The following CCDC181 variants were observed in gnomAD, a reference collection of about 807,000 sequenced individuals.
CCDC181 encodes coiled-coil domain containing 181, also known as coiled-coil domain-containing protein 181.
In CCDC181, 35 loss-of-function variants were observed where a neutral mutation model predicts 58.7. That is an observed-to-expected ratio of 0.60 (90% CI 0.46 to 0.79). The LOEUF (loss-of-function observed/expected upper bound fraction) is 0.79. CCDC181 is among the 30% of genes least tolerant of loss of function. CCDC181 has a pLI of 0.00. For missense variants in CCDC181, 517 were observed against 583.9 expected (o/e 0.89, Z 1.18); for synonymous variants, 183 against 197.5 (o/e 0.93, Z 0.62).
At chr1:169,441,179 A>T (rs951853666) in intron 2 of CCDC181, among the ~76,000 whole-genome samples, 5 of 152,154 alleles carry the variant, frequency 3.3e-5, no homozygotes, top group African/African-American at 9.7e-5. Context: ...ATATATATTT[A>T]AGTCTTTAAT....
intron 2 of CCDC181, among the ~76,000 whole-genome samples, chr1:169,446,316 C>T (rs975669429): frequency 1.6e-4 from 24 of 152,080 alleles, no homozygotes; most frequent in East Asian, 5.8e-4. Context: ...TGGTGGTGCA[C>T]GCCTGTAGTC....
intron 2 of CCDC181, among the ~76,000 whole-genome samples, chr1:169,448,753 CT>C (rs375026025): frequency 2.8e-4 from 43 of 152,250 alleles, no homozygotes; most frequent in African/African-American, 9.9e-4. Flanking sequence ...AATGTTTCTT[CT>C]GTCCCATTCA....
rs1656507340 is a variant in CCDC181 at position 169,422,180 on chromosome 1, A to G, written c.251T>C (p.Ile84Thr). The G allele has an allele frequency of 6.2e-7, 1 of 1,613,774 alleles. No homozygotes were observed. Among genetic ancestry groups the G allele is most frequent in the Non-Finnish European group, 8.5e-7 (1 of 1,179,914 alleles). The part of the protein sequence containing the change: ...DEVSPRRNDI[I>T]SVPGIQPLDP... ...CAAAGGTTGAATACCTGGTACAGAAATGATGTCATTTCTTCTTGGTGAGAC... is the reference window on the plus strand; with the variant it reads ...CAAAGGTTGAATACCTGGTACAGAAGTGATGTCATTTCTTCTTGGTGAGAC... The change falls in exon 3 of 6, where the codon ATT becomes ACT. Residue 84 changes from isoleucine (I) to threonine (T), a missense_variant. Ile to Thr is a moderately conservative substitution (Grantham distance 89, BLOSUM62 -1). Coordinates refer to ENST00000367806, the MANE Select transcript of CCDC181 (RefSeq NM_001300969.2).
chr1:169,422,278 G>A lies in CCDC181; in HGVS notation c.153C>T (p.Asp51=). 3 of 1,584,732 alleles carry A rather than the reference G, an allele frequency of 1.9e-6. No homozygotes were observed. Among genetic ancestry groups the A allele is most frequent in the Non-Finnish European group, 2.6e-6 (3 of 1,159,238 alleles). Residue 51 remains aspartate, a synonymous_variant, in exon 3 of 6, where the codon GAC becomes GAT. Transcript: ENST00000367806. ...CCATTACTGTCTCATTCTCTTTTAA[G>A]TCTTGGTTAATATTCTCTTCCTTCT... ...ACEKEENINQ[D]LKENETVMEH...
intron 2 of CCDC181, among the ~76,000 whole-genome samples, chr1:169,455,626 A>T (rs1166039961): frequency 6.6e-6 from 1 of 152,158 alleles, no homozygotes; most frequent in African/African-American, 2.4e-5. Context: ...ATATTAGTGG[A>T]TAATTGTGAC....
intron 2 of CCDC181, among the ~76,000 whole-genome samples, chr1:169,424,179 AAGAG>A (rs1184407633): frequency 6.6e-6 from 1 of 151,904 alleles, no homozygotes. Flanking sequence ...TACACATGTA[AAGAG>A]AGAGAGAAAT....
At chr1:169,451,474 CT>C (rs1657537301) in intron 2 of CCDC181, among the ~76,000 whole-genome samples, 1 of 152,106 alleles carries the variant, frequency 6.6e-6, no homozygotes, top group African/African-American at 2.4e-5. Flanking sequence ...AAAATCACAA[CT>C]ACTTTTATGC....
At chr1:169,398,593 T>C (rs1655179556) in intron 4 of CCDC181, among the ~76,000 whole-genome samples, 1 of 152,240 alleles carries the variant, frequency 6.6e-6, no homozygotes, top group Non-Finnish European at 1.5e-5. Flanking sequence ...ACACATTCTG[T>C]ACTGTACAAT....
At chr1:169,455,836 T>C (rs1657663956) in intron 2 of CCDC181, among the ~76,000 whole-genome samples, 2 of 152,164 alleles carry the variant, frequency 1.3e-5, no homozygotes, top group African/African-American at 4.8e-5. Flanking sequence ...ACATGCACAC[T>C]TGTGCACACA....
chr1:169,405,064 T>G (rs1655575293), intron 4 of CCDC181, among the ~76,000 whole-genome samples: 1 of 152,166 alleles, frequency 6.6e-6, no homozygotes, highest in Non-Finnish European at 1.5e-5. Context: ...TCATAATTGC[T>G]TCAAAGGGAA....
At chr1:169,403,141 G>A (rs537881970) in intron 4 of CCDC181, among the ~76,000 whole-genome samples, 1 of 152,252 alleles carries the variant, frequency 6.6e-6, no homozygotes, top group East Asian at 1.9e-4. Context: ...ACCCAATACA[G>A]GAGCACCCAG....
intron 2 of CCDC181, among the ~76,000 whole-genome samples, chr1:169,440,544 G>T (rs138473264): frequency 2.0e-4 from 31 of 152,302 alleles, no homozygotes; most frequent in Non-Finnish European, 4.0e-4. Flanking sequence ...ACATAGAGAT[G>T]ATAGCATTTG....
chr1:169,397,284 A>G lies in CCDC181; in HGVS notation c.1323T>C (p.Cys441=). The G allele has an allele frequency of 6.2e-7, 1 of 1,610,362 alleles. No individual in the cohort carries two copies. The highest frequency in any genetic ancestry group is 2.2e-5 in the East Asian group (1 of 44,630). ...QTEELRKQEE[C]LFFLKGTEGR... ...CTTCTGTTCCTTTAAGGAAGAATAA[A>G]CATTCCTCTTGCTTTCTTAGTTCTT... Residue 441 remains cysteine, a synonymous_variant, in exon 5 of 6, where the codon TGT becomes TGC. Coordinates refer to ENST00000367806, the MANE Select transcript of CCDC181 (RefSeq NM_001300969.2).
At position 169,422,143 on chromosome 1, in the gene CCDC181, T is replaced by C. The variant is rs374512309; in HGVS notation, c.288A>G (p.Ser96=). 12 of 1,613,660 alleles carry C rather than the reference T, an allele frequency of 7.4e-6. No individual in the cohort carries two copies. In the African/African-American group the frequency reaches 1.5e-4, roughly 20 times the overall value. ...VPGIQPLDPI[S]DSDSENSFQE... ...GGAAAGAGTTTTCACTATCTGAATCTGATATGGGATCCAAAGGTTGAATAC... is the reference window on the plus strand; with the variant it reads ...GGAAAGAGTTTTCACTATCTGAATCCGATATGGGATCCAAAGGTTGAATAC... The change falls in exon 3 of 6, where the codon TCA becomes TCG. Residue 96 remains serine, a synonymous_variant. Transcript: ENST00000367806.
At chr1:169,401,422 T>C (rs541502570) in intron 4 of CCDC181, among the ~76,000 whole-genome samples, 73 of 152,278 alleles carry the variant, frequency 4.8e-4, no homozygotes, top group Admixed American at 1.3e-3. Flanking sequence ...TGACACCTCA[T>C]ACAGCCGGGT....
At chr1:169,441,058 G>C (rs1247333995) in intron 2 of CCDC181, among the ~76,000 whole-genome samples, 1 of 151,512 alleles carries the variant, frequency 6.6e-6, no homozygotes, top group Non-Finnish European at 1.5e-5. Flanking sequence ...GTGAACAAAA[G>C]TTTCCATTAA....
At chr1:169,448,232 A>T (rs1363443835) in intron 2 of CCDC181, among the ~76,000 whole-genome samples, 1 of 152,144 alleles carries the variant, frequency 6.6e-6, no homozygotes, top group Non-Finnish European at 1.5e-5. Context: ...AGTGTTAAGA[A>T]TAAGAAAAAT....
chr1:169,455,265 C>T (rs1657653044), intron 2 of CCDC181, among the ~76,000 whole-genome samples: 1 of 151,766 alleles, frequency 6.6e-6, no homozygotes, highest in South Asian at 2.1e-4. Context: ...AGTACATAGC[C>T]ATTATGGATA....
intron 4 of CCDC181, among the ~76,000 whole-genome samples, chr1:169,399,476 TATC>T (rs1323392329): frequency 2.0e-5 from 3 of 152,308 alleles, no homozygotes; most frequent in Non-Finnish European, 4.4e-5. Context: ...ACAGCAGAAC[TATC>T]ATCAGAATGA....
Sources: allele counts gnomAD v4.1 joint callset (sites outside exome capture counted in the v4.1 genomes callset), GRCh38; gene constraint gnomAD v4.1.1; transcripts MANE v1.5; gene names NCBI Gene and HGNC (gene_info 2026-07-23, HGNC 2026-07-21).